The following AK5 variants were observed in gnomAD, a reference collection of about 807,000 sequenced individuals.
AK5 encodes adenylate kinase isoenzyme 5.
A neutral mutation model predicts 69.5 loss-of-function variants in AK5; 27 were observed. The observed-to-expected ratio is 0.39, with a 90% CI of 0.29 to 0.54. The LOEUF (loss-of-function observed/expected upper bound fraction) is 0.54. AK5 is among the 20% of genes least tolerant of loss of function. The pLI, the probability that AK5 is intolerant of heterozygous loss-of-function variation, is 0.71. For synonymous variants in AK5, 260 were observed against 244.4 expected (o/e 1.06, Z -0.60); for missense variants, 531 against 700.4 (o/e 0.76, Z 2.73).
At chr1:77,518,419 C>T (rs1478786597) in intron 10 of AK5, 145 bp from the exon 11 acceptor site, 2 of 803,902 alleles carry the variant, frequency 2.5e-6, no homozygotes, top group Non-Finnish European at 3.9e-6. Context: ...CCACCACTCT[C>T]AGCACAGCTC....
chr1:77,360,701 G>A lies in AK5; in HGVS notation c.891+20133G>A, dbSNP rs573166760. Among the ~76,000 whole-genome samples the A allele has an allele frequency of 2.6e-5, 4 of 152,300 alleles. No individual in the cohort carries two copies. In the South Asian group the frequency reaches 6.2e-4, roughly 24 times the overall value. On this transcript the variant is annotated intron_variant, in intron 6 of 13. Transcript: ENST00000354567. ...TTTTGGGAATGAGAGACTTGAGCAT[G>A]CTTCAGTGCTGGATGAAGGTACACA...
chr1:77,388,590 T>TG (rs5775395), intron 6 of AK5, among the ~76,000 whole-genome samples: 3 of 151,140 alleles, frequency 2.0e-5, no homozygotes, highest in Non-Finnish European at 4.4e-5. Context: ...TTGTTGTTGT[T>TG]TTTGCATTAA....
At chr1:77,293,254 G>T (rs774829325) in intron 2 of AK5, among the ~76,000 whole-genome samples, 1 of 152,030 alleles carries the variant, frequency 6.6e-6, no homozygotes, top group Non-Finnish European at 1.5e-5. Flanking sequence ...TTTCTGGGTC[G>T]TAGAAAGCAG....
intron 13 of AK5, among the ~76,000 whole-genome samples, chr1:77,543,739 A>G (rs1392383989): frequency 1.3e-5 from 2 of 152,100 alleles, no homozygotes; most frequent in African/African-American, 2.4e-5. Context: ...ATTCTCATTT[A>G]TGGGGGTCTT....
chr1:77,322,704 T>C (rs1557494996), intron 5 of AK5, among the ~76,000 whole-genome samples: 2 of 150,616 alleles, frequency 1.3e-5, no homozygotes, highest in South Asian at 4.2e-4. Flanking sequence ...AGAGCTAAAT[T>C]ACGCACCTTA....
At position 77,554,815 on chromosome 1, in the gene AK5, G is replaced by A. The variant is rs1195191034; in HGVS notation, c.1621-3787G>A. Among the ~76,000 whole-genome samples, 25 of 139,758 alleles carry A rather than the reference G, an allele frequency of 1.8e-4. 1 individual carries two copies. The highest frequency in any genetic ancestry group is 4.1e-3 in the Middle Eastern group (1 of 246). 91.7% of individuals were successfully genotyped at this position (139,758 alleles called of 152,430 possible). A position where few individuals can be genotyped will look rare whatever the true frequency, so the allele number is the denominator to read the frequency against. Reference sequence around the variant, plus strand: ...GTATTTTTAGTAGAGACGGGGTTTCGCCATGTTAGCCGGGATGGTCTCTAT... The same window carrying A: ...GTATTTTTAGTAGAGACGGGGTTTCACCATGTTAGCCGGGATGGTCTCTAT... On this transcript the variant is annotated intron_variant, in intron 13 of 13. Coordinates refer to ENST00000354567, the MANE Select transcript of AK5 (RefSeq NM_174858.3).
chr1:77,451,569 C>G (rs549218879), intron 8 of AK5, among the ~76,000 whole-genome samples: 13 of 152,228 alleles, frequency 8.5e-5, no homozygotes, highest in African/African-American at 2.6e-4. Context: ...AGGACCAAAG[C>G]GTATAACGGA....
intron 9 of AK5, among the ~76,000 whole-genome samples, chr1:77,485,754 C>T (rs904249231): frequency 2.6e-5 from 4 of 152,110 alleles, no homozygotes; most frequent in Non-Finnish European, 5.9e-5. Context: ...TATTAAATGA[C>T]GTAAATTTTT....
intron 8 of AK5, among the ~76,000 whole-genome samples, chr1:77,418,198 A>G (rs1200362333): frequency 6.6e-6 from 1 of 152,204 alleles, no homozygotes; most frequent in East Asian, 1.9e-4. Context: ...GGGAGACCTC[A>G]CAATCATGGC....
chr1:77,401,976 T>A lies in AK5; in HGVS notation c.892-9005T>A, dbSNP rs111361294. ...CATAAAACAGATTATGCAGACCACA[T>A]CCTCTGCAAATTCTGTCCTTAGGAA... On this transcript the variant is annotated intron_variant, in intron 6 of 13. Transcript: ENST00000354567. 6.1e-3 allele frequency among the ~76,000 whole-genome samples: 934 copies of A among 152,312 alleles called. 7 individuals carry two copies. Among genetic ancestry groups the A allele is most frequent in the Middle Eastern group, 0.041 (12 of 294 alleles).
chr1:77,429,061 T>C (rs1327227051), intron 8 of AK5, among the ~76,000 whole-genome samples: 1 of 151,254 alleles, frequency 6.6e-6, no homozygotes, highest in Non-Finnish European at 1.5e-5. Flanking sequence ...AATAAACATA[T>C]GTGTGTGTGT....
rs1408602451 is a variant in AK5 at position 77,349,379 on chromosome 1, A to G, written c.891+8811A>G. The G allele has an allele frequency of 3.3e-5, 5 of 152,206 alleles. No individual in the cohort carries two copies. In the East Asian group the frequency reaches 9.6e-4, roughly 29 times the overall value. The allele number at this position is 152,206 out of a possible 1,614,324, so 9.4% of individuals were successfully genotyped here. On this transcript the variant is annotated intron_variant, in intron 6 of 13. Coordinates refer to ENST00000354567, the MANE Select transcript of AK5 (RefSeq NM_174858.3). Reference sequence around the variant, plus strand: ...TCTTGTTGGGGCAGATACTATTATTATCTCCATTTTGTAAATGAGAAAAAC... The same window carrying G: ...TCTTGTTGGGGCAGATACTATTATTGTCTCCATTTTGTAAATGAGAAAAAC...
intron 10 of AK5, among the ~76,000 whole-genome samples, chr1:77,505,616 C>T (rs187595112): frequency 2.0e-5 from 3 of 152,110 alleles, no homozygotes; most frequent in African/African-American, 4.8e-5. Flanking sequence ...CCTGTAATCC[C>T]GGCACTTTGA....
At chr1:77,397,773 G>A (rs1410699045) in intron 6 of AK5, among the ~76,000 whole-genome samples, 5 of 152,108 alleles carry the variant, frequency 3.3e-5, no homozygotes, top group Non-Finnish European at 7.3e-5. Context: ...ATGGTGCCAC[G>A]TGCCTGTAGC....
At chr1:77,318,735 TC>T (rs1161211874) in intron 5 of AK5, among the ~76,000 whole-genome samples, 1 of 151,818 alleles carries the variant, frequency 6.6e-6, no homozygotes, top group Non-Finnish European at 1.5e-5. Flanking sequence ...TTTCTGCTTG[TC>T]CAGTCTCCCC....
chr1:77,435,061 C>A (rs747677991), intron 8 of AK5, among the ~76,000 whole-genome samples: 2 of 152,106 alleles, frequency 1.3e-5, no homozygotes, highest in African/African-American at 4.8e-5. Context: ...AGCATCAGGT[C>A]ATAACAGCAG....
At chr1:77,460,438 G>A (rs1190157779) in intron 8 of AK5, among the ~76,000 whole-genome samples, 1 of 152,178 alleles carries the variant, frequency 6.6e-6, no homozygotes, top group East Asian at 1.9e-4. Flanking sequence ...ACATTTGTTT[G>A]TTCATAGACT....
At chr1:77,363,284 G>T (rs540747858) in intron 6 of AK5, among the ~76,000 whole-genome samples, 1 of 152,214 alleles carries the variant, frequency 6.6e-6, no homozygotes, top group Non-Finnish European at 1.5e-5. Flanking sequence ...AAGTCCTACT[G>T]GTTCTTCCTT....
chr1:77,500,952 C>T (rs990777478), intron 10 of AK5, among the ~76,000 whole-genome samples: 1 of 152,154 alleles, frequency 6.6e-6, no homozygotes. Context: ...ATGAAAACTT[C>T]AGAGCCCATA....
Sources: gnomAD v4.1 joint callset for allele counts (sites outside exome capture counted in the v4.1 genomes callset) on GRCh38, gnomAD v4.1.1 for gene constraint, MANE v1.5 for transcripts, NCBI Gene and HGNC (gene_info 2026-07-23, HGNC 2026-07-21) for gene names.